The following TVP23C variants were observed in gnomAD, a reference collection of about 807,000 sequenced individuals.
The protein encoded by TVP23C is Golgi apparatus membrane protein TVP23 homolog C.
In TVP23C, 19 loss-of-function variants were observed where a neutral mutation model predicts 28.7. The observed-to-expected ratio is 0.66, with a 90% CI of 0.46 to 0.97. TVP23C has a LOEUF of 0.97. Among genes scored for constraint, TVP23C ranks in the 50% least tolerant of loss-of-function variants. The pLI is 0.00. For synonymous variants in TVP23C, 68 were observed against 81.7 expected (o/e 0.83, Z 0.90); for missense variants, 186 against 241.3 (o/e 0.77, Z 1.52).
chr17:15,506,895 C>T, intron 5 of TVP23C: 6 of 873,158 alleles, frequency 6.9e-6, no homozygotes, highest in Admixed American at 5.4e-5. Flanking sequence ...TCTTCAACAT[C>T]GCCATCAACG....
At chr17:15,546,924 A>C in intron 4 of TVP23C, 135 bp downstream of exon 4, 2 of 919,312 alleles carry the variant, frequency 2.2e-6, no homozygotes, top group Non-Finnish European at 3.2e-6. Flanking sequence ...CTAGAAGGCC[A>C]TCTCCTTTAG....
At chr17:15,550,250 A>C (rs1047806161) in intron 3 of TVP23C, among the ~76,000 whole-genome samples, 1 of 152,224 alleles carries the variant, frequency 6.6e-6, no homozygotes, top group Non-Finnish European at 1.5e-5. Flanking sequence ...AATAACTTAT[A>C]TTTACAGTTT....
At chr17:15,552,908 T>A (rs1035438593) in intron 3 of TVP23C, among the ~76,000 whole-genome samples, 23 of 150,714 alleles carry the variant, frequency 1.5e-4, no homozygotes, top group Non-Finnish European at 2.8e-4. Flanking sequence ...TATTTTATTA[T>A]GCTTACTTAT....
At chr17:15,525,533 G>T (rs1982683331) in intron 5 of TVP23C, among the ~76,000 whole-genome samples, 1 of 152,232 alleles carries the variant, frequency 6.6e-6, no homozygotes, top group Non-Finnish European at 1.5e-5. Flanking sequence ...TCCTGAGGAA[G>T]TAGAAAGTTG....
At position 15,506,639 on chromosome 17, in the gene TVP23C, C is replaced by T. The variant is rs150795986; in HGVS notation, c.463-3407G>A. On this transcript the variant is annotated intron_variant, in intron 5 of 5. Transcript: ENST00000225576. ...TGCTACTGCTCACTCTTTGGGTCCACGCTGCTTTTATGAGCTGTAACACTC... is the reference window on the plus strand; with the variant it reads ...TGCTACTGCTCACTCTTTGGGTCCATGCTGCTTTTATGAGCTGTAACACTC... Among the ~76,000 whole-genome samples the T allele has an allele frequency of 6.1e-3, 931 of 152,308 alleles. 15 individuals carry two copies. The highest frequency in any genetic ancestry group is 0.021 in the African/African-American group (878 of 41,558).
Position 15,538,048 on chromosome 17 carries a change from T to C in TVP23C, c.*2364A>G, listed in dbSNP as rs112727303. The C allele has an allele frequency of 4.1e-5, 65 of 1,571,114 alleles. No individual in the cohort carries two copies. The African/African-American group carries it at 6.3e-4, about 15-fold the overall frequency. ...AAAGCCAACACTCCTCGTTGCAACA[T>C]GGACTAAGCTCTAAAAGGTTGAGTC... On this transcript the variant is annotated 3_prime_UTR_variant, in exon 6 of 6. Coordinates refer to ENST00000518321, the MANE Select transcript of TVP23C (RefSeq NM_001135036.2).
chr17:15,560,567 G>T (rs1290793160), intron 1 of TVP23C, among the ~76,000 whole-genome samples: 5 of 148,324 alleles, frequency 3.4e-5, no homozygotes, highest in Admixed American at 6.8e-5. Context: ...TGTTTTTTTT[G>T]TTTGTTTGTT....
rs1045658139 is a variant in TVP23C at position 15,538,599 on chromosome 17, T to A, written c.*1813A>T. ...GAGTGAGACTCTGTCTCAAAAAAAA[T>A]AAATAAATAAAAAAGTAGACATGCG... On this transcript the variant is annotated 3_prime_UTR_variant, in exon 6 of 6. Coordinates refer to ENST00000518321, the MANE Select transcript of TVP23C (RefSeq NM_001135036.2). 5.1e-6 allele frequency: 5 copies of A among 982,610 alleles called. No individual in the cohort carries two copies. The East Asian group carries it at 3.4e-4, about 67-fold the overall frequency. The allele number at this position is 982,610 out of a possible 1,614,324, so 60.9% of individuals were successfully genotyped here.
intron 3 of TVP23C, 100 bp from the exon 4 acceptor site, chr17:15,547,248 C>T: frequency 6.4e-7 from 1 of 1,558,900 alleles, no homozygotes; most frequent in Non-Finnish European, 8.7e-7. Context: ...CAAAAACCTT[C>T]AGCTTTACCT....
downstream of TVP23C, among the ~76,000 whole-genome samples, chr17:15,533,925 T>A (rs142537958): frequency 5.9e-5 from 9 of 152,304 alleles, no homozygotes; most frequent in South Asian, 1.7e-3. Context: ...ACAAGAATGT[T>A]TGGTCGCTCT....
chr17:15,519,783 T>C (rs1982393450), intron 5 of TVP23C, among the ~76,000 whole-genome samples: 1 of 152,068 alleles, frequency 6.6e-6, no homozygotes. Flanking sequence ...GCACCTGTAG[T>C]CCCAGCTACT....
intron 5 of TVP23C, among the ~76,000 whole-genome samples, chr17:15,504,149 C>T (rs1981616305): frequency 6.6e-6 from 1 of 152,202 alleles, no homozygotes; most frequent in South Asian, 2.1e-4. Flanking sequence ...TGGGCCCTCA[C>T]CCACTAGACA....
chr17:15,532,945 C>T (rs1435328096), downstream of TVP23C, among the ~76,000 whole-genome samples: 1 of 152,152 alleles, frequency 6.6e-6, no homozygotes, highest in Non-Finnish European at 1.5e-5. Context: ...AAGCACATGG[C>T]ATCTACCTTC....
chr17:15,503,384 G>A (rs1057126247), intron 5 of TVP23C: 39 of 923,866 alleles, frequency 4.2e-5, no homozygotes, highest in Non-Finnish European at 5.1e-5. Flanking sequence ...CAGCCTGGGC[G>A]ACAGAGCAAG....
At chr17:15,557,762 G>A (rs1435033726) in intron 1 of TVP23C, among the ~76,000 whole-genome samples, 5 of 141,442 alleles carry the variant, frequency 3.5e-5, no homozygotes, top group Non-Finnish European at 7.9e-5. Flanking sequence ...GCCAGGGAAG[G>A]AAGCAAATCA....
At position 15,539,813 on chromosome 17, in the gene TVP23C, G is replaced by C; in HGVS notation, c.*599C>G. The C allele has an allele frequency of 4.1e-6, 4 of 981,258 alleles. No homozygotes were observed. Among genetic ancestry groups the C allele is most frequent in the Non-Finnish European group, 3.6e-6 (3 of 826,400 alleles). 60.8% of individuals were successfully genotyped at this position (981,258 alleles called of 1,614,324 possible). The stretch of plus-strand genomic sequence containing the variant: ...CTCCCTAAAACCATACAACATACAG[G>C]CTGGGCACGGTGGCTCACGCCTGTA... On this transcript the variant is annotated 3_prime_UTR_variant, in exon 6 of 6. Coordinates refer to ENST00000518321, the MANE Select transcript of TVP23C (RefSeq NM_001135036.2).
chr17:15,534,425 A>G (rs1983069575), downstream of TVP23C, among the ~76,000 whole-genome samples: 2 of 151,678 alleles, frequency 1.3e-5, no homozygotes, highest in South Asian at 4.2e-4. Flanking sequence ...ACCTACCTGT[A>G]ACATGAGGTT....
intron 5 of TVP23C, among the ~76,000 whole-genome samples, chr17:15,544,233 T>C (rs1224415813): frequency 1.3e-5 from 2 of 152,148 alleles, no homozygotes; most frequent in Admixed American, 6.5e-5. Context: ...CATTTAAGAA[T>C]AGTCAATAGG....
exon 6 of TVP23C, chr17:15,502,943 C>G: frequency 6.2e-7 from 1 of 1,614,130 alleles, no homozygotes; most frequent in South Asian, 1.1e-5. Context: ...CCCACCTCCC[C>G]TCCAGGCCCA....
Sources: gnomAD v4.1 joint callset for allele counts (sites outside exome capture counted in the v4.1 genomes callset) on GRCh38, gnomAD v4.1.1 for gene constraint, MANE v1.5 for transcripts, NCBI Gene and HGNC (gene_info 2026-07-23, HGNC 2026-07-21) for gene names.